Variants in PPP6R1 observed in about 807,000 individuals in gnomAD.
PPP6R1 encodes the protein protein phosphatase 6 regulatory subunit 1, also known as serine/threonine-protein phosphatase 6 regulatory subunit 1.
PPP6R1 carries 39 observed loss-of-function variants against 104.6 expected under a neutral mutation model. The ratio of observed to expected loss-of-function variants is 0.37; its 90% confidence interval spans 0.29 to 0.49. PPP6R1 has a LOEUF of 0.49. PPP6R1 is among the 20% of genes least tolerant of loss of function. The pLI, the probability that PPP6R1 is intolerant of heterozygous loss-of-function variation, is 0.98. For missense variants in PPP6R1, 1,181 were observed against 1,155.8 expected, an observed-to-expected ratio of 1.02 and a Z score of -0.32; for synonymous variants, 549 against 479.0, an observed-to-expected ratio of 1.15 and a Z score of -1.91.
chr19:55,236,699 G>A lies in PPP6R1; in HGVS notation c.1932C>T (p.Ala644=). The A allele has an allele frequency of 6.2e-7, 1 of 1,611,330 alleles. No individual in the cohort carries two copies. Among genetic ancestry groups the A allele is most frequent in the Non-Finnish European group, 8.5e-7 (1 of 1,178,722 alleles). Residue 644 remains alanine, a synonymous_variant, in exon 17 of 24, where the codon GCC becomes GCT. Transcript: ENST00000412770. ...CCCTGGCCAGCTGGCTGCCCTGCCA[G>A]GCGCCATCTTCTCCATCAGACTCCC... ...GSGESDGEDG[A]WQGSQLARGA...
At position 55,236,824 on chromosome 19, in the gene PPP6R1, G is replaced by A; in HGVS notation, c.1810-3C>T. The stretch of plus-strand genomic sequence containing the variant: ...ATCTCAAGTAGGTTGGCGTTGGGCT[G>A]CAGGGCACAGGGGTGGGAGGATGGG... On this transcript the variant is annotated splice_region_variant and splice_polypyrimidine_tract_variant and intron_variant, in intron 16 of 23. Coordinates refer to ENST00000412770, the MANE Select transcript of PPP6R1 (RefSeq NM_014931.4). 3 of 1,613,826 alleles carry A rather than the reference G, an allele frequency of 1.9e-6. No individual in the cohort carries two copies. Among genetic ancestry groups the A allele is most frequent in the Non-Finnish European group, 2.5e-6 (3 of 1,179,762 alleles).
rs764425863 is a variant in PPP6R1, at chr19:55,247,079, T to C, written c.25A>G (p.Thr9Ala). The change falls in exon 2 of 24, where the codon ACA becomes GCA. Residue 9 changes from threonine to alanine, a missense_variant. Thr to Ala is a moderately conservative substitution (Grantham distance 58). This residue lies in a region of PPP6R1 where 139 missense variants were observed against 200.1 expected (regional missense o/e 0.69). Coordinates refer to ENST00000412770, the MANE Select transcript of PPP6R1 (RefSeq NM_014931.4). The stretch of plus-strand genomic sequence containing the variant: ...AGCAGCGTGTCCAGGTGCGAGCTTG[T>C]GTGCAGGTCAAACTTCCAAAACATG... Reference protein sequence around the residue: MFWKFDLHTSSHLDTLLER... With the variant: MFWKFDLHASSHLDTLLER... 2 of 1,613,476 alleles carry C rather than the reference T, an allele frequency of 1.2e-6. No homozygotes were observed.
chr19:55,230,047 CGT>C lies in PPP6R1; in HGVS notation c.*479_*480del. 6.4e-6 allele frequency: 1 copy of C among 157,198 alleles called. No homozygotes were observed. Among genetic ancestry groups the C allele is most frequent in the Admixed American group, 6.2e-5 (1 of 16,076 alleles). The allele number at this position is 157,198 out of a possible 1,614,324, so 9.7% of individuals were successfully genotyped here. A position where few individuals can be genotyped will look rare whatever the true frequency, so the allele number is the denominator to read the frequency against. On this transcript the variant is annotated 3_prime_UTR_variant, in exon 24 of 24. Coordinates refer to ENST00000412770, the MANE Select transcript of PPP6R1 (RefSeq NM_014931.4). Reference sequence around the variant, plus strand: ...TCTGGCACCCCCACCCACGCTGGGCCGTCCCCCATGGTGGACCTGAGCTAAAA... The same window carrying C: ...TCTGGCACCCCCACCCACGCTGGGCCCCCCCATGGTGGACCTGAGCTAAAA...
At chr19:55,228,806 G>A (rs978256333), downstream of PPP6R1, 16 of 1,545,204 alleles carry the variant, frequency 1.0e-5, no homozygotes, top group Middle Eastern at 3.4e-4. Context: ...TGGAGGGGAG[G>A]GCTCATGGTT....
intron 1 of PPP6R1, chr19:55,247,354 T>TC (rs1406327868): frequency 3.7e-6 from 2 of 533,496 alleles, no homozygotes; most frequent in Non-Finnish European, 6.7e-6. Flanking sequence ...CTGCCCCTCT[T>TC]CCCCCATCTC....
chr19:55,243,282 A>G (rs1382501663), intron 5 of PPP6R1, among the ~76,000 whole-genome samples: 5 of 151,762 alleles, frequency 3.3e-5, no homozygotes, highest in Admixed American at 6.6e-5. Flanking sequence ...GCGCAGTGGT[A>G]GGCGCCTGTA....
rs114637567 is a variant in PPP6R1, at chr19:55,254,549, C to A, written c.-7+3886G>T. 7.2e-5 allele frequency among the ~76,000 whole-genome samples: 11 copies of A among 152,262 alleles called. No individual in the cohort carries two copies. In the South Asian group the frequency reaches 1.2e-3, roughly 17 times the overall value. ...AAGCACAGCTCTGCCGCCAGGGAACCGGTGGGCCCATGCTTCATCTGTCAC... is the reference window on the plus strand; with the variant it reads ...AAGCACAGCTCTGCCGCCAGGGAACAGGTGGGCCCATGCTTCATCTGTCAC... On this transcript the variant is annotated intron_variant, in intron 1 of 23. Transcript: ENST00000412770.
chr19:55,230,845 C>A lies in PPP6R1; in HGVS notation c.2499G>T (p.Gly833=). 1 of 1,598,546 alleles carries A rather than the reference C, an allele frequency of 6.3e-7. No individual in the cohort carries two copies. Residue 833 remains glycine (G), a synonymous_variant, in exon 22 of 24, where the codon GGG becomes GGT. Coordinates refer to ENST00000412770, the MANE Select transcript of PPP6R1 (RefSeq NM_014931.4). ...RDPSTSVPAS[G]AHQPPQTTEG... ...CTGTGGTCTGGGGGGGCTGGTGGGC[C>A]CCGGAGGCTGGGACAGAGGTAGAGG... is the stretch of plus-strand genomic sequence containing the variant.
intron 1 of PPP6R1, chr19:55,255,799 CCA>C (rs753235545): frequency 1.3e-5 from 2 of 152,650 alleles, no homozygotes; most frequent in Non-Finnish European, 2.9e-5. Context: ...CTTCAGGCCC[CCA>C]CACAGACACC....
chr19:55,257,099 A>G (rs1030477388), intron 1 of PPP6R1, among the ~76,000 whole-genome samples: 7 of 151,026 alleles, frequency 4.6e-5, no homozygotes, highest in Admixed American at 3.3e-4. Flanking sequence ...AAAAAAAAAA[A>G]GCATAACATT....
intron 1 of PPP6R1, among the ~76,000 whole-genome samples, chr19:55,257,744 T>C (rs888802898): frequency 2.0e-5 from 3 of 152,206 alleles, no homozygotes; most frequent in Admixed American, 1.3e-4. Context: ...ACTGTCCGGC[T>C]CTGCCTTTGT....
Position 55,245,903 on chromosome 19 carries a change from C to A in PPP6R1, c.228-225G>T, listed in dbSNP as rs900603723. ...CAACCATCCCATCCTAGGCTCCTTACCACCCCCAAGACAAGCTGGTCCTGA... is the reference window on the plus strand; with the variant it reads ...CAACCATCCCATCCTAGGCTCCTTAACACCCCCAAGACAAGCTGGTCCTGA... On this transcript the variant is annotated intron_variant, in intron 2 of 23. Coordinates refer to ENST00000412770, the MANE Select transcript of PPP6R1 (RefSeq NM_014931.4). This position sits in a 1 kb window ranked among gnomAD's most constrained non-coding sequence, Gnocchi z 6.4. 7.9e-5 allele frequency among the ~76,000 whole-genome samples: 12 copies of A among 152,158 alleles called. No individual in the cohort carries two copies. The highest frequency in any genetic ancestry group is 2.9e-4 in the African/African-American group (12 of 41,436).
intron 1 of PPP6R1, among the ~76,000 whole-genome samples, chr19:55,248,268 C>G (rs557239545): frequency 6.6e-6 from 1 of 152,306 alleles, no homozygotes; most frequent in Admixed American, 6.5e-5. Flanking sequence ...CCCAAGAAAG[C>G]TGTCATCACT....
Position 55,230,419 on chromosome 19 carries a change from G to A in PPP6R1, c.*109C>T. The A allele has an allele frequency of 6.7e-7, 1 of 1,492,676 alleles. No homozygotes were observed. Among genetic ancestry groups the A allele is most frequent in the Non-Finnish European group, 9.2e-7 (1 of 1,088,600 alleles). The allele number at this position is 1,492,676 out of a possible 1,614,324, so 92.5% of individuals were successfully genotyped here. A position where few individuals can be genotyped will look rare whatever the true frequency, so the allele number is the denominator to read the frequency against. On this transcript the variant is annotated 3_prime_UTR_variant, in exon 24 of 24. Coordinates refer to ENST00000412770, the MANE Select transcript of PPP6R1 (RefSeq NM_014931.4). ...GGGGTCCAGAGGAGAGAATGTGGGG[G>A]TGTCAGGGTGATGAGGGCAATGGGG... is the stretch of plus-strand genomic sequence containing the variant.
At chr19:55,242,574 A>G (rs2087468653) in intron 5 of PPP6R1, 86 bp from the exon 6 acceptor site, 3 of 1,170,000 alleles carry the variant, frequency 2.6e-6, no homozygotes, top group Non-Finnish European at 2.6e-6. Context: ...CCATGAGCTG[A>G]CCATCCAGGG....
Position 55,242,390 on chromosome 19 carries a change from C to T in PPP6R1, c.717G>A (p.Leu239=). The part of the protein sequence containing the change: ...VQDSPEPDQL[L]ATLEKQETIE... ...CGCACACCCACTTCTCCAGGGTGGCCAGCAGTTGGTCAGGCTCTGGGCTGT... is the reference window on the plus strand; with the variant it reads ...CGCACACCCACTTCTCCAGGGTGGCTAGCAGTTGGTCAGGCTCTGGGCTGT... The change falls in exon 6 of 24, where the codon CTG becomes CTA. Residue 239 remains leucine (L), a synonymous_variant. Coordinates refer to ENST00000412770, the MANE Select transcript of PPP6R1 (RefSeq NM_014931.4). The T allele has an allele frequency of 6.2e-7, 1 of 1,613,748 alleles. No homozygotes were observed. Among genetic ancestry groups the T allele is most frequent in the Non-Finnish European group, 8.5e-7 (1 of 1,179,636 alleles).
intron 2 of PPP6R1, among the ~76,000 whole-genome samples, chr19:55,246,069 CCCT>C (rs1181901688): frequency 1.3e-5 from 2 of 152,200 alleles, no homozygotes; most frequent in Non-Finnish European, 2.9e-5. Context: ...CCTCCTGCCT[CCCT>C]CCTCCAAACT....
intron 1 of PPP6R1, among the ~76,000 whole-genome samples, chr19:55,252,240 T>G (rs897558814): frequency 6.6e-6 from 1 of 152,144 alleles, no homozygotes; most frequent in African/African-American, 2.4e-5. Flanking sequence ...TTTATTATTT[T>G]TTTTCTTGAG....
intron 1 of PPP6R1, among the ~76,000 whole-genome samples, chr19:55,257,033 A>G (rs965565773): frequency 6.6e-6 from 1 of 151,040 alleles, no homozygotes; most frequent in Non-Finnish European, 1.5e-5. Context: ...TCCTCTAACA[A>G]TTAGCTGGAC....
Sources: gnomAD v4.1 joint callset for allele counts (sites outside exome capture counted in the v4.1 genomes callset) on GRCh38, gnomAD v4.1.1 for gene constraint, gnomAD v4.1.1 regional missense constraint, Gnocchi (gnomAD v3.1) non-coding constraint, MANE v1.5 for transcripts, NCBI Gene and HGNC (gene_info 2026-07-23, HGNC 2026-07-21) for gene names.